Variants in TRHDE observed in about 807,000 individuals in gnomAD.
TRHDE encodes thyrotropin-releasing hormone-degrading ectoenzyme.
In TRHDE, 72 loss-of-function variants were observed where a neutral mutation model predicts 125.7. The ratio of observed to expected loss-of-function variants is 0.57; its 90% CI spans 0.47 to 0.70. The LOEUF is 0.70. Ranked by LOEUF, TRHDE falls within the 30% of genes least tolerant of loss-of-function variation. TRHDE has a pLI of 0.00. For missense variants in TRHDE, 1,110 were observed against 1,327.1 expected (o/e 0.84, Z 2.54); for synonymous variants, 509 against 509.1 (o/e 1.00, Z 0.00).
rs768136576 is a variant in TRHDE, at chr12:72,473,187, G to A, written c.1584+7G>A. On this transcript the variant is annotated splice_region_variant and intron_variant, in intron 5 of 18. Coordinates refer to ENST00000261180, the MANE Select transcript of TRHDE (RefSeq NM_013381.3). ...CTATCCTGGCTGGAACATGGTAAGTGCACTTGAATTATTTGAAACTTTTAG... is the reference window on the plus strand; with the variant it reads ...CTATCCTGGCTGGAACATGGTAAGTACACTTGAATTATTTGAAACTTTTAG... 4 of 1,606,492 alleles carry A rather than the reference G, an allele frequency of 2.5e-6. No individual in the cohort carries two copies. The highest frequency in any genetic ancestry group is 3.3e-5 in the Admixed American group (2 of 59,878).
intron 15 of TRHDE, among the ~76,000 whole-genome samples, chr12:72,622,927 C>T (rs1293947391): frequency 6.6e-6 from 1 of 151,996 alleles, no homozygotes. Context: ...TCAGTATCAT[C>T]TACCAATTGA....
chr12:72,505,444 G>T (rs1324736243), intron 6 of TRHDE, among the ~76,000 whole-genome samples: 2 of 152,160 alleles, frequency 1.3e-5, no homozygotes, highest in African/African-American at 4.8e-5. Context: ...GTGACCCAAT[G>T]ACCTAGATGA....
chr12:72,364,003 A>C (rs539501193), intron 2 of TRHDE, among the ~76,000 whole-genome samples: 1 of 152,216 alleles, frequency 6.6e-6, no homozygotes, highest in African/African-American at 2.4e-5. Context: ...CCAAATCATG[A>C]GTGAACTCCC....
chr12:72,421,183 TC>T (rs1034692042), intron 3 of TRHDE, among the ~76,000 whole-genome samples: 1 of 152,154 alleles, frequency 6.6e-6, no homozygotes, highest in Non-Finnish European at 1.5e-5. Context: ...GGAAATTTAA[TC>T]CCCCATTAGT....
rs111525422 is a variant in TRHDE at position 72,166,995 on chromosome 12, T to C, written n.279+61243T>C. ...AGCTAATGGCTAAGGGTTGGAAAGA[T>C]TTGAGGACTGACGACAAATGTTTGA... On this transcript the variant is annotated intron_variant and non_coding_transcript_variant, in intron 2 of 4. Transcript: ENST00000548156. Among the ~76,000 whole-genome samples the C allele has an allele frequency of 2.8e-3, 419 of 151,144 alleles. 4 individuals carry two copies. Among genetic ancestry groups the C allele is most frequent in the African/African-American group, 9.6e-3 (393 of 41,084 alleles).
At chr12:72,282,516 C>T (rs1025767286) in intron 1 of TRHDE, among the ~76,000 whole-genome samples, 2 of 152,118 alleles carry the variant, frequency 1.3e-5, no homozygotes, top group Non-Finnish European at 2.9e-5. Flanking sequence ...GGCACTGTTG[C>T]CTGTTAAGGG....
chr12:72,538,871 T>C (rs1868999065), intron 6 of TRHDE, among the ~76,000 whole-genome samples: 1 of 151,864 alleles, frequency 6.6e-6, no homozygotes, highest in African/African-American at 2.4e-5. Flanking sequence ...GTCCCGACTT[T>C]TTTGAAAACC....
intron 2 of TRHDE, among the ~76,000 whole-genome samples, chr12:72,111,545 G>A (rs192984450): frequency 6.6e-6 from 1 of 152,282 alleles, no homozygotes; most frequent in Admixed American, 6.5e-5. Context: ...TCTAAGGTCT[G>A]AGGGAGAGAA....
intron 3 of TRHDE, among the ~76,000 whole-genome samples, chr12:72,386,818 T>C (rs1872438357): frequency 6.6e-6 from 1 of 152,210 alleles, no homozygotes; most frequent in African/African-American, 2.4e-5. Context: ...CTGACACAAT[T>C]GTTCTCTCCA....
chr12:72,239,199 A>C (rs1878424536), intron 2 of TRHDE, among the ~76,000 whole-genome samples: 1 of 150,828 alleles, frequency 6.6e-6, no homozygotes, highest in African/African-American at 2.4e-5. Context: ...TCTTTTGAGA[A>C]GTATCTGTTC....
At chr12:72,250,210 A>G (rs1185282392) in intron 2 of TRHDE, among the ~76,000 whole-genome samples, 3 of 152,202 alleles carry the variant, frequency 2.0e-5, no homozygotes, top group Non-Finnish European at 2.9e-5. Context: ...GATTATGACA[A>G]TGGTCACACA....
chr12:72,149,659 C>T (rs941417847), intron 2 of TRHDE, among the ~76,000 whole-genome samples: 6 of 151,472 alleles, frequency 4.0e-5, no homozygotes, highest in Admixed American at 6.6e-5. Context: ...CTAAATAAAA[C>T]CAAACTACAC....
At chr12:72,212,426 A>G (rs1048080018) in intron 2 of TRHDE, among the ~76,000 whole-genome samples, 1 of 152,140 alleles carries the variant, frequency 6.6e-6, no homozygotes, top group African/African-American at 2.4e-5. Context: ...GGAAGTTAAA[A>G]GAATCCACAC....
At chr12:72,112,844 G>A (rs1260551817) in intron 2 of TRHDE, among the ~76,000 whole-genome samples, 1 of 152,104 alleles carries the variant, frequency 6.6e-6, no homozygotes, top group African/African-American at 2.4e-5. Flanking sequence ...CCAATTTTTA[G>A]CCATGTGATC....
At chr12:72,522,402 T>G (rs1868266026) in intron 6 of TRHDE, among the ~76,000 whole-genome samples, 1 of 152,232 alleles carries the variant, frequency 6.6e-6, no homozygotes, top group South Asian at 2.1e-4. Context: ...TGGCAGATAG[T>G]GAGCAACAAC....
chr12:72,540,324 T>G (rs942345224), intron 6 of TRHDE, among the ~76,000 whole-genome samples: 1 of 151,778 alleles, frequency 6.6e-6, no homozygotes. Context: ...ATTCTATAAC[T>G]TTTGAATACT....
chr12:72,550,502 T>C (rs1869625491), intron 7 of TRHDE, among the ~76,000 whole-genome samples: 1 of 151,992 alleles, frequency 6.6e-6, no homozygotes, highest in African/African-American at 2.4e-5. Flanking sequence ...TTGGAAAGGT[T>C]ACAAAAAATT....
intron 2 of TRHDE, among the ~76,000 whole-genome samples, chr12:72,208,132 T>C (rs1175746023): frequency 6.6e-6 from 1 of 152,132 alleles, no homozygotes; most frequent in East Asian, 1.9e-4. Context: ...AGCTTCTACC[T>C]TCAACCTTCA....
In TRHDE at chr12:72,621,826, T is replaced by C. The variant is rs1045513044; in HGVS notation, c.2675+75T>C. On this transcript the variant is annotated intron_variant, in intron 15 of 18. Coordinates refer to ENST00000261180, the MANE Select transcript of TRHDE (RefSeq NM_013381.3). ...AGAGTCTCAGTGGATGCATTTCATT[T>C]ACCAACTGGAGAAAAACAAGATAAG... The C allele has an allele frequency of 6.3e-6, 7 of 1,112,202 alleles. No individual in the cohort carries two copies. The Admixed American group carries it at 1.6e-4, about 25-fold the overall frequency. The allele number at this position is 1,112,202 out of a possible 1,614,324, so 68.9% of individuals were successfully genotyped here.
Sources: allele counts gnomAD v4.1 joint callset (sites outside exome capture counted in the v4.1 genomes callset), GRCh38; gene constraint gnomAD v4.1.1; transcripts MANE v1.5; gene names NCBI Gene and HGNC (gene_info 2026-07-23, HGNC 2026-07-21).